EXT1: variants seen among roughly 807,000 people sequenced by gnomAD.
The protein encoded by EXT1 is exostosin glycosyltransferase 1, also known as exostosin-1.
In EXT1, 20 loss-of-function variants were observed where a neutral mutation model predicts 82.5. The observed-to-expected ratio is 0.24, with a 90% CI of 0.17 to 0.35. The LOEUF is 0.35. Ranked by LOEUF, EXT1 falls within the 10% of genes least tolerant of loss-of-function variation. The pLI, the probability that EXT1 is intolerant of heterozygous loss-of-function variation, is 1.00. For synonymous variants in EXT1, 348 were observed against 350.8 expected, an observed-to-expected ratio of 0.99 and a Z score of 0.09; for missense variants, 757 against 936.5, an observed-to-expected ratio of 0.81 and a Z score of 2.50.
chr8:117,994,484 G>A (rs1251631038), intron 1 of EXT1, among the ~76,000 whole-genome samples: 4 of 152,096 alleles, frequency 2.6e-5, no homozygotes, highest in Admixed American at 1.3e-4. Context: ...GGTGATACAC[G>A]TCTGTAGTCC....
rs1379210686 is a variant in EXT1, at chr8:117,866,685, G to A, written c.963-29484C>T. Among the ~76,000 whole-genome samples the A allele has an allele frequency of 2.0e-5, 3 of 150,370 alleles. 1 individual carries two copies. The highest frequency in any genetic ancestry group is 4.4e-5 in the Non-Finnish European group (3 of 67,806). Reference sequence around the variant, plus strand: ...TAGTGCATGATTAGCCATTCTTGACGATGATTCTGTGAGCTGTTAGAAGTT... The same window carrying A: ...TAGTGCATGATTAGCCATTCTTGACAATGATTCTGTGAGCTGTTAGAAGTT... On this transcript the variant is annotated intron_variant, in intron 1 of 10. Transcript: ENST00000378204.
chr8:118,111,512 CTCCGG>C lies in EXT1; in HGVS notation c.-471_-467del. Reference sequence around the variant, plus strand: ...CATCCACCACTCTCCGTGCAGAGCACTCCGGTTCCAACAAGTCAGCCGATCCCGGG... The same window carrying C: ...CATCCACCACTCTCCGTGCAGAGCACTTCCAACAAGTCAGCCGATCCCGGG... On this transcript the variant is annotated 5_prime_UTR_variant, in exon 1 of 11. Transcript: ENST00000378204. 1 of 471,202 alleles carries C rather than the reference CTCCGG, an allele frequency of 2.1e-6. No individual in the cohort carries two copies. The highest frequency in any genetic ancestry group is 3.7e-6 in the Non-Finnish European group (1 of 269,050). The allele number at this position is 471,202 out of a possible 1,614,324, so 29.2% of individuals were successfully genotyped here.
intron 1 of EXT1, among the ~76,000 whole-genome samples, chr8:117,881,361 C>A (rs1293845346): frequency 6.6e-6 from 1 of 152,116 alleles, no homozygotes; most frequent in East Asian, 1.9e-4. Context: ...ATCCACAGCT[C>A]CTGGAGCAAT....
intron 1 of EXT1, among the ~76,000 whole-genome samples, chr8:118,064,009 G>A (rs1260947956): frequency 6.6e-6 from 1 of 152,064 alleles, no homozygotes; most frequent in Non-Finnish European, 1.5e-5. Context: ...TGGTATTATA[G>A]ACATGTGCCA....
chr8:117,960,390 C>T (rs1372453232), intron 1 of EXT1, among the ~76,000 whole-genome samples: 3 of 152,176 alleles, frequency 2.0e-5, no homozygotes, highest in African/African-American at 7.2e-5. Flanking sequence ...CTCAACTTTG[C>T]TTTCTTTGAA....
chr8:117,962,018 A>G (rs1024540222), intron 1 of EXT1, among the ~76,000 whole-genome samples: 3 of 152,192 alleles, frequency 2.0e-5, no homozygotes, highest in Non-Finnish European at 4.4e-5. Context: ...GGGTCAGTGC[A>G]GGGGAAAAAA....
intron 1 of EXT1, among the ~76,000 whole-genome samples, chr8:118,027,212 A>G (rs1395880490): frequency 2.6e-5 from 4 of 152,184 alleles, no homozygotes; most frequent in Non-Finnish European, 5.9e-5. Flanking sequence ...ATAGTTTTAC[A>G]ATGATATATC....
At chr8:117,888,138 T>G (rs1015004583) in intron 1 of EXT1, among the ~76,000 whole-genome samples, 15 of 151,416 alleles carry the variant, frequency 9.9e-5, no homozygotes, top group Non-Finnish European at 2.2e-4. Context: ...ATAATGCCTC[T>G]TCTCAGACCA....
intron 4 of EXT1, among the ~76,000 whole-genome samples, chr8:117,828,705 T>A (rs4876393): frequency 0.23 from 34,778 of 152,058 alleles, 4,632 homozygotes; most frequent in Middle Eastern, 0.37. Context: ...GGGATAAAAG[T>A]TTGCTTGCAG....
chr8:117,822,581 A>G lies in EXT1; in HGVS notation c.1301T>C (p.Ile434Thr). 6.2e-7 allele frequency: 1 copy of G among 1,613,128 alleles called. No homozygotes were observed. Among genetic ancestry groups the G allele is most frequent in the South Asian group, 1.1e-5 (1 of 91,076 alleles). Residue 434 changes from isoleucine to threonine, a missense_variant, in exon 5 of 11, where the codon ATA becomes ACA. This residue lies in a region of EXT1 where 207 missense variants were observed against 224.2 expected (regional missense o/e 0.92). Transcript: ENST00000378204. The part of the protein sequence containing the change: ...LTTLEIIQDR[I>T]FKHISRNSLI... ...ACTGTTACGTGATATGTGCTTGAAT[A>G]TTCTGTCCTGAATAATCTAGAAAAT...
intron 1 of EXT1, among the ~76,000 whole-genome samples, chr8:117,999,438 G>T (rs1320463150): frequency 6.6e-6 from 1 of 152,198 alleles, no homozygotes. Context: ...TGCACTCGAT[G>T]TGATGAAGCA....
chr8:117,893,349 G>A (rs987480155), intron 1 of EXT1, among the ~76,000 whole-genome samples: 6 of 152,160 alleles, frequency 3.9e-5, no homozygotes, highest in African/African-American at 1.2e-4. Flanking sequence ...AAGCCATTTG[G>A]ACAGAAGCAA....
At chr8:117,814,950 C>G (rs1459234140) in intron 7 of EXT1, among the ~76,000 whole-genome samples, 1 of 152,202 alleles carries the variant, frequency 6.6e-6, no homozygotes, top group African/African-American at 2.4e-5. Flanking sequence ...TCTAACTCAT[C>G]TCCAAGAGCT....
chr8:117,811,741 C>T lies in EXT1; in HGVS notation c.1722+1131G>A, dbSNP rs146897093. 6.2e-3 allele frequency among the ~76,000 whole-genome samples: 945 copies of T among 152,110 alleles called. 10 individuals are homozygous for T. Among genetic ancestry groups the T allele is most frequent in the African/African-American group, 0.022 (900 of 41,476 alleles). On this transcript the variant is annotated intron_variant, in intron 8 of 10. Transcript: ENST00000378204. ...AAGCGATTCTCCTGCCTCAGCTTCC[C>T]GAGTAGCTGAGAATACAGGCACCTG...
intron 1 of EXT1, among the ~76,000 whole-genome samples, chr8:118,017,440 C>T (rs540878093): frequency 6.6e-6 from 1 of 152,232 alleles, no homozygotes; most frequent in Admixed American, 6.5e-5. Flanking sequence ...ACAAAGTCAG[C>T]ACTGAGTCCT....
At chr8:117,961,407 T>A (rs992490533) in intron 1 of EXT1, among the ~76,000 whole-genome samples, 1 of 152,192 alleles carries the variant, frequency 6.6e-6, no homozygotes, top group African/African-American at 2.4e-5. Context: ...ATAAAAAAAA[T>A]AGTTTTCTTT....
intron 1 of EXT1, among the ~76,000 whole-genome samples, chr8:118,077,132 G>A (rs1315427119): frequency 6.6e-6 from 1 of 152,092 alleles, no homozygotes; most frequent in African/African-American, 2.4e-5. Flanking sequence ...ATTTCTAGGA[G>A]GCAAGACACA....
chr8:117,923,212 G>A (rs971841067), intron 1 of EXT1, among the ~76,000 whole-genome samples: 4 of 151,978 alleles, frequency 2.6e-5, no homozygotes, highest in African/African-American at 9.7e-5. Context: ...GTAATCCCCA[G>A]GTAGCTGGCT....
intron 1 of EXT1, among the ~76,000 whole-genome samples, chr8:118,054,243 G>A (rs1816760386): frequency 3.3e-5 from 5 of 152,082 alleles, no homozygotes; most frequent in Admixed American, 2.6e-4. Flanking sequence ...AACTAGCTAG[G>A]AAGCCATCTT....
Sources: gnomAD v4.1 joint callset for allele counts (sites outside exome capture counted in the v4.1 genomes callset) on GRCh38, gnomAD v4.1.1 for gene constraint, gnomAD v4.1.1 regional missense constraint, MANE v1.5 for transcripts, NCBI Gene and HGNC (gene_info 2026-07-23, HGNC 2026-07-21) for gene names.